Variants in MED13L observed in about 807,000 individuals in gnomAD.
MED13L encodes the protein mediator of RNA polymerase II transcription subunit 13-like.
Under a neutral mutation model 220.9 loss-of-function variants are expected in MED13L, and 7 were observed. That is an observed-to-expected ratio of 0.03 (90% CI 0.02 to 0.06). The LOEUF is 0.06. Ranked by LOEUF, MED13L falls within the 10% of genes least tolerant of loss-of-function variation. MED13L has a pLI of 1.00. For synonymous variants in MED13L, 1,011 were observed against 1,015.2 expected (o/e 1.00, Z 0.08); for missense variants, 1,965 against 2,760.5 (o/e 0.71, Z 6.46).
intron 1 of MED13L, among the ~76,000 whole-genome samples, chr12:116,250,048 A>AAAAAC (rs1871392896): frequency 6.7e-6 from 1 of 149,056 alleles, no homozygotes; most frequent in Non-Finnish European, 1.5e-5. Context: ...AAAAAAAAAA[A>AAAAAC]ACACACCAAA....
intron 4 of MED13L, among the ~76,000 whole-genome samples, chr12:116,026,050 G>A (rs73198012): frequency 0.13 from 19,243 of 151,806 alleles, 1,518 homozygotes; most frequent in South Asian, 0.18. Flanking sequence ...ATAGTAAAAA[G>A]AAAAAGTAAG....
At chr12:116,041,107 G>C (rs1190864352) in intron 4 of MED13L, among the ~76,000 whole-genome samples, 1 of 152,190 alleles carries the variant, frequency 6.6e-6, no homozygotes, top group East Asian at 1.9e-4. Context: ...GTTTAGCTCT[G>C]TGTCCCCACC....
chr12:116,012,910 G>T lies in MED13L; in HGVS notation c.1176-9C>A, dbSNP rs1199219649. The stretch of plus-strand genomic sequence containing the variant: ...TTGACATTTGGCTCCTCCTAAAAGG[G>T]TTAAAAATGTGACTTATGTGTGAAC... On this transcript the variant is annotated splice_polypyrimidine_tract_variant and intron_variant, in intron 8 of 30. Coordinates refer to ENST00000281928, the MANE Select transcript of MED13L (RefSeq NM_015335.5). 3 of 1,593,750 alleles carry T rather than the reference G, an allele frequency of 1.9e-6. No homozygotes were observed. The highest frequency in any genetic ancestry group is 3.3e-5 in the Admixed American group (2 of 59,952).
chr12:116,220,952 C>T (rs927256197), intron 2 of MED13L, among the ~76,000 whole-genome samples: 12 of 152,084 alleles, frequency 7.9e-5, no homozygotes, highest in Non-Finnish European at 1.5e-4. Flanking sequence ...AGTTTGAAGT[C>T]CCTCTAGTGT....
chr12:116,254,444 C>G (rs1565951738), intron 1 of MED13L, among the ~76,000 whole-genome samples: 1 of 151,836 alleles, frequency 6.6e-6, no homozygotes, highest in African/African-American at 2.4e-5. Flanking sequence ...TAACAGTAAA[C>G]ATGTCAAAAA....
rs145050821 is a variant in MED13L, at chr12:116,019,579, A to C, written c.821-167T>G. ...TAGCTGTTTAAACATGTGTTCCAAC[A>C]TGATGATAAGAGCATTTGGAATACA... On this transcript the variant is annotated intron_variant, in intron 6 of 30. Transcript: ENST00000281928. Among the ~76,000 whole-genome samples the C allele has an allele frequency of 1.4e-3, 212 of 152,192 alleles. 1 individual carries two copies. Among genetic ancestry groups the C allele is most frequent in the African/African-American group, 4.9e-3 (204 of 41,430 alleles).
chr12:116,023,123 C>T (rs997967230), intron 4 of MED13L, among the ~76,000 whole-genome samples: 1 of 152,142 alleles, frequency 6.6e-6, no homozygotes, highest in Admixed American at 6.5e-5. Flanking sequence ...AAGACCTCAT[C>T]TCCACCAAAA....
chr12:116,085,654 T>C (rs1565869857), intron 4 of MED13L, among the ~76,000 whole-genome samples: 1 of 151,894 alleles, frequency 6.6e-6, no homozygotes, highest in Non-Finnish European at 1.5e-5. Flanking sequence ...CTAAAATAAA[T>C]GATTTTATAT....
At chr12:116,235,047 A>C (rs1371627800) in intron 2 of MED13L, among the ~76,000 whole-genome samples, 1 of 152,194 alleles carries the variant, frequency 6.6e-6, no homozygotes, top group African/African-American at 2.4e-5. Flanking sequence ...TTGTATGGCT[A>C]CCAATTAAAA....
chr12:116,047,114 C>T (rs1299500634), intron 4 of MED13L, among the ~76,000 whole-genome samples: 1 of 152,204 alleles, frequency 6.6e-6, no homozygotes, highest in East Asian at 1.9e-4. Flanking sequence ...CTTTGGGACA[C>T]CAAAGCGGGG....
chr12:116,170,608 GTT>G (rs869277948), intron 2 of MED13L, among the ~76,000 whole-genome samples: 102 of 124,476 alleles, frequency 8.2e-4, no homozygotes, highest in African/African-American at 2.7e-3. Context: ...TTTTTTTTTT[GTT>G]TTTTTTTTTT....
rs369578717 is a variant in MED13L, at chr12:115,974,332, T to A, written c.5731+839A>T. Among the ~76,000 whole-genome samples the A allele has an allele frequency of 2.0e-5, 3 of 152,338 alleles. No individual in the cohort carries two copies. The South Asian group carries it at 6.2e-4, about 32-fold the overall frequency. ...CACCAAGCTAATCTGTGACATTAAG[T>A]CTTTCTTTTGTGCAGATCTTAGGGA... is the stretch of plus-strand genomic sequence containing the variant. On this transcript the variant is annotated intron_variant, in intron 25 of 30. Coordinates refer to ENST00000281928, the MANE Select transcript of MED13L (RefSeq NM_015335.5).
chr12:116,065,085 T>C (rs768302882), intron 4 of MED13L, among the ~76,000 whole-genome samples: 1 of 152,210 alleles, frequency 6.6e-6, no homozygotes, highest in Non-Finnish European at 1.5e-5. Flanking sequence ...TAAAATTTTA[T>C]AGGGAAAATC....
At chr12:116,087,585 A>G (rs1871807536) in intron 4 of MED13L, among the ~76,000 whole-genome samples, 1 of 152,198 alleles carries the variant, frequency 6.6e-6, no homozygotes, top group African/African-American at 2.4e-5. Context: ...GACCCCATTT[A>G]CTAACAGCAC....
At chr12:116,181,709 T>C (rs1259711193) in intron 2 of MED13L, among the ~76,000 whole-genome samples, 4 of 152,106 alleles carry the variant, frequency 2.6e-5, no homozygotes, top group Non-Finnish European at 5.9e-5. Context: ...TTCATCATAT[T>C]GGTCAGGCTG....
At chr12:115,972,445 T>G (rs1876653271) in intron 25 of MED13L, 1 of 591,542 alleles carries the variant, frequency 1.7e-6, no homozygotes, top group Middle Eastern at 4.8e-4. Flanking sequence ...GGCCTACTAT[T>G]CTGTGGCTGA....
chr12:116,145,073 A>C (rs954065031), intron 2 of MED13L, among the ~76,000 whole-genome samples: 1 of 152,252 alleles, frequency 6.6e-6, no homozygotes, highest in African/African-American at 2.4e-5. Flanking sequence ...TTTAAATAAA[A>C]CTGGCTTATC....
chr12:116,080,670 T>G (rs189638318), intron 4 of MED13L, among the ~76,000 whole-genome samples: 14 of 152,342 alleles, frequency 9.2e-5, no homozygotes, highest in African/African-American at 3.4e-4. Flanking sequence ...TTTTCCGTGG[T>G]AGCTGTGATA....
intron 7 of MED13L, among the ~76,000 whole-genome samples, chr12:116,018,843 C>A (rs535923253): frequency 6.7e-6 from 1 of 150,316 alleles, no homozygotes; most frequent in African/African-American, 2.5e-5. Context: ...CAATGGTCAC[C>A]GGGGCAGAGG....
Sources: gnomAD v4.1 joint callset for allele counts (sites outside exome capture counted in the v4.1 genomes callset) on GRCh38, gnomAD v4.1.1 for gene constraint, MANE v1.5 for transcripts, NCBI Gene and HGNC (gene_info 2026-07-23, HGNC 2026-07-21) for gene names.